Variants in PLGRKT observed in about 807,000 individuals in gnomAD.
PLGRKT encodes the protein plasminogen receptor with a C-terminal lysine.
A neutral mutation model predicts 18.5 loss-of-function variants in PLGRKT; 22 were observed. The ratio of observed to expected loss-of-function variants is 1.19; its 90% CI spans 0.85 to 1.70. The LOEUF is 1.70. Ranked by LOEUF, PLGRKT falls within the 40% of genes most tolerant of loss-of-function variation. The pLI, the probability that PLGRKT is intolerant of heterozygous loss-of-function variation, is 0.00. For missense variants in PLGRKT, 235 were observed against 174.4 expected (o/e 1.35, Z -1.96); for synonymous variants, 72 against 52.8 (o/e 1.36, Z -1.58).
At chr9:5,373,158 C>A (rs1817560558) in intron 3 of PLGRKT, among the ~76,000 whole-genome samples, 1 of 152,180 alleles carries the variant, frequency 6.6e-6, no homozygotes, top group Non-Finnish European at 1.5e-5. Context: ...GGGGTATAGA[C>A]TGACCCAAAT....
At chr9:5,408,730 C>T (rs150461938) in intron 3 of PLGRKT, among the ~76,000 whole-genome samples, 1 of 152,208 alleles carries the variant, frequency 6.6e-6, no homozygotes, top group Non-Finnish European at 1.5e-5. Context: ...ATTTCAGAGA[C>T]CTTTGCAGCA....
At chr9:5,429,352 C>G (rs575385887) in intron 3 of PLGRKT, among the ~76,000 whole-genome samples, 1 of 152,214 alleles carries the variant, frequency 6.6e-6, no homozygotes, top group Non-Finnish European at 1.5e-5. Flanking sequence ...CTGCTTGGCA[C>G]AGGCACCAAA....
chr9:5,434,805 C>T (rs1359968086), intron 2 of PLGRKT, among the ~76,000 whole-genome samples: 1 of 151,946 alleles, frequency 6.6e-6, no homozygotes, highest in Non-Finnish European at 1.5e-5. Flanking sequence ...GGGAAGTGTA[C>T]CCAACAGCTC....
At chr9:5,426,547 CCT>C (rs1171842482) in intron 3 of PLGRKT, among the ~76,000 whole-genome samples, 2 of 152,106 alleles carry the variant, frequency 1.3e-5, no homozygotes, top group Non-Finnish European at 2.9e-5. Context: ...TCTATATTCC[CCT>C]GTTCATCCTT....
intron 2 of PLGRKT, among the ~76,000 whole-genome samples, chr9:5,432,801 A>C (rs1234330504): frequency 6.6e-6 from 1 of 152,074 alleles, no homozygotes; most frequent in Non-Finnish European, 1.5e-5. Context: ...TTCAGTGCTC[A>C]ATGTTGCCCA....
chr9:5,361,211 A>C (rs773090475), intron 4 of PLGRKT, 24 bp from the exon 5 acceptor site: 1 of 1,384,716 alleles, frequency 7.2e-7, no homozygotes, highest in Non-Finnish European at 1.0e-6. Context: ...TAAAAGAAGA[A>C]CCAATATCAA....
upstream of PLGRKT, among the ~76,000 whole-genome samples, chr9:5,438,146 A>T (rs1053013389): frequency 6.6e-6 from 1 of 152,188 alleles, no homozygotes; most frequent in Non-Finnish European, 1.5e-5. Context: ...CATCTGTTAA[A>T]TTGGCACTAT....
rs1299554458 is a variant in PLGRKT, at chr9:5,394,223, C to A, written c.82-32335G>T. Among the ~76,000 whole-genome samples the A allele has an allele frequency of 1.3e-5, 2 of 151,696 alleles. 1 individual carries two copies. Among genetic ancestry groups the A allele is most frequent in the African/African-American group, 4.9e-5 (2 of 41,048 alleles). ...ATTCCTGGGAAACAAAAGCAGGAAG[C>A]CTACATGACTTCCTGATGAACTGAG... On this transcript the variant is annotated intron_variant, in intron 3 of 5. Transcript: ENST00000223864.
In PLGRKT at chr9:5,417,061, C is replaced by T. The variant is rs183115561; in HGVS notation, c.81+14836G>A. On this transcript the variant is annotated intron_variant, in intron 3 of 5. Coordinates refer to ENST00000223864, the MANE Select transcript of PLGRKT (RefSeq NM_018465.4). ...AATAGTATTTGCATTTAGATACAGTCCTTCTTACTGTAACTAAGCTAACTT... is the reference window on the plus strand; with the variant it reads ...AATAGTATTTGCATTTAGATACAGTTCTTCTTACTGTAACTAAGCTAACTT... Among the ~76,000 whole-genome samples the T allele has an allele frequency of 3.9e-4, 60 of 152,230 alleles. 2 individuals are homozygous for T. In the East Asian group the frequency reaches 9.8e-3, roughly 25 times the overall value.
chr9:5,368,503 TTC>T (rs1273772926), intron 3 of PLGRKT, among the ~76,000 whole-genome samples: 2 of 152,256 alleles, frequency 1.3e-5, no homozygotes, highest in Non-Finnish European at 2.9e-5. Flanking sequence ...ATAACTCATG[TTC>T]TCACTTGTAA....
At position 5,376,164 on chromosome 9, in the gene PLGRKT, G is replaced by A. The variant is rs186716969; in HGVS notation, c.82-14276C>T. Among the ~76,000 whole-genome samples, 4 of 152,064 alleles carry A rather than the reference G, an allele frequency of 2.6e-5. No homozygotes were observed. In the East Asian group the frequency reaches 7.7e-4, roughly 29 times the overall value. ...TCAAATTAATAGAGAGAGACAGAAA[G>A]GAGAATGGTGGTTGCCAGGGACTGG... On this transcript the variant is annotated intron_variant, in intron 3 of 5. Coordinates refer to ENST00000223864, the MANE Select transcript of PLGRKT (RefSeq NM_018465.4).
chr9:5,416,655 A>C (rs1338777908), intron 3 of PLGRKT, among the ~76,000 whole-genome samples: 1 of 152,192 alleles, frequency 6.6e-6, no homozygotes, highest in African/African-American at 2.4e-5. Context: ...AAAACAAAAA[A>C]AAAAGCTTTC....
intron 5 of PLGRKT, among the ~76,000 whole-genome samples, chr9:5,359,867 T>A (rs1164796869): frequency 2.0e-5 from 3 of 152,212 alleles, no homozygotes; most frequent in African/African-American, 2.4e-5. Context: ...TATAAATGTA[T>A]AATATATATG....
chr9:5,436,741 T>A (rs899278218), intron 1 of PLGRKT, 47 bp from the exon 2 acceptor site: 2 of 152,014 alleles, frequency 1.3e-5, no homozygotes, highest in African/African-American at 4.8e-5. Context: ...CACCCTGGAG[T>A]TCAGTATTTT....
intron 3 of PLGRKT, among the ~76,000 whole-genome samples, chr9:5,404,380 A>T (rs1276407347): frequency 6.6e-6 from 1 of 152,188 alleles, no homozygotes; most frequent in Admixed American, 6.5e-5. Context: ...ATCCTCAATA[A>T]AATACTGGCA....
intron 3 of PLGRKT, among the ~76,000 whole-genome samples, chr9:5,380,161 G>A (rs546328962): frequency 6.6e-6 from 1 of 152,054 alleles, no homozygotes; most frequent in Non-Finnish European, 1.5e-5. Flanking sequence ...TCAGGAGATT[G>A]AGATCATCCT....
chr9:5,397,799 G>A (rs1818081662), intron 3 of PLGRKT, among the ~76,000 whole-genome samples: 1 of 151,946 alleles, frequency 6.6e-6, no homozygotes, highest in African/African-American at 2.4e-5. Context: ...AGGGAGCATT[G>A]GCTGCCCTTG....
intron 3 of PLGRKT, among the ~76,000 whole-genome samples, chr9:5,391,108 A>G (rs1456285848): frequency 6.6e-6 from 1 of 151,982 alleles, no homozygotes; most frequent in East Asian, 1.9e-4. Context: ...GTTGGTCACA[A>G]GACTTTAAAA....
intron 3 of PLGRKT, among the ~76,000 whole-genome samples, chr9:5,422,984 T>A (rs1233980208): frequency 6.6e-6 from 1 of 152,250 alleles, no homozygotes; most frequent in Non-Finnish European, 1.5e-5. Context: ...TCTTAATATT[T>A]GCACGTTTAA....
Sources: allele counts gnomAD v4.1 joint callset (sites outside exome capture counted in the v4.1 genomes callset), GRCh38; gene constraint gnomAD v4.1.1; transcripts MANE v1.5; gene names NCBI Gene and HGNC (gene_info 2026-07-23, HGNC 2026-07-21).